The following A1CF variants were observed in gnomAD, a reference collection of about 807,000 sequenced individuals.
A1CF encodes APOBEC-1 stimulating protein.
In A1CF, 48 loss-of-function variants were observed where a neutral mutation model predicts 68.9. The observed-to-expected ratio is 0.70, with a 90% CI of 0.55 to 0.89. The LOEUF is 0.89. A1CF is among the 40% of genes least tolerant of loss of function. The pLI, the probability that A1CF is intolerant of heterozygous loss-of-function variation, is 0.00. For missense variants in A1CF, 653 were observed against 718.9 expected (o/e 0.91, Z 1.05); for synonymous variants, 272 against 260.4 (o/e 1.04, Z -0.43).
At chr10:50,851,096 T>C (rs1296917820) in intron 3 of A1CF, among the ~76,000 whole-genome samples, 1 of 152,218 alleles carries the variant, frequency 6.6e-6, no homozygotes, top group Non-Finnish European at 1.5e-5. Flanking sequence ...TGCACCGGGT[T>C]TGAGGCATGT....
At chr10:50,858,825 G>C (rs1310564815) in intron 3 of A1CF, among the ~76,000 whole-genome samples, 3 of 152,086 alleles carry the variant, frequency 2.0e-5, no homozygotes, top group South Asian at 4.2e-4. Context: ...ATGGACTTAA[G>C]TGAAACTTCA....
At chr10:50,860,409 CTG>C (rs1001305532) in intron 2 of A1CF, among the ~76,000 whole-genome samples, 5 of 152,186 alleles carry the variant, frequency 3.3e-5, no homozygotes, top group African/African-American at 9.7e-5. Flanking sequence ...GAGTTTTAGT[CTG>C]TGTGTCAGCT....
intron 9 of A1CF, among the ~76,000 whole-genome samples, chr10:50,815,110 A>C (rs1340241087): frequency 6.6e-6 from 1 of 152,186 alleles, no homozygotes; most frequent in East Asian, 1.9e-4. Flanking sequence ...AAACCCAAGA[A>C]TAGACTTAAA....
chr10:50,841,538 A>G (rs777698954), intron 5 of A1CF, among the ~76,000 whole-genome samples: 3 of 152,174 alleles, frequency 2.0e-5, no homozygotes, highest in Non-Finnish European at 2.9e-5. Context: ...ATTTTGAGTG[A>G]TCTTATATAT....
At position 50,809,989 on chromosome 10, in the gene A1CF, T is replaced by C; in HGVS notation, c.1514A>G (p.Tyr505Cys). 1 of 1,614,052 alleles carries C rather than the reference T, an allele frequency of 6.2e-7. No homozygotes were observed. Among genetic ancestry groups the C allele is most frequent in the Non-Finnish European group, 8.5e-7 (1 of 1,179,938 alleles). The change falls in exon 12 of 13, where the codon TAT (tyrosine) becomes TGT (cysteine). Residue 505 changes from tyrosine to cysteine, a missense_variant. Physicochemically the swap from Tyr to Cys is radical, Grantham distance 194. Coordinates refer to ENST00000373997, the MANE Select transcript of A1CF (RefSeq NM_014576.4). ...LSAFVDEAKTYAAEYTLQTLG... is the reference protein window; with the variant it reads ...LSAFVDEAKTCAAEYTLQTLG... ...GGTCTGCAGGGTGTATTCGGCTGCA[T>C]ACGTCTTTGCTTCATCCACAAAGGC...
At chr10:50,808,087 C>T (rs1837919681) in intron 12 of A1CF, among the ~76,000 whole-genome samples, 1 of 152,180 alleles carries the variant, frequency 6.6e-6, no homozygotes, top group Admixed American at 6.6e-5. Context: ...AGTAATGTAA[C>T]TGTGTGAGTG....
chr10:50,841,049 C>A (rs1240927473), intron 5 of A1CF, among the ~76,000 whole-genome samples: 1 of 152,176 alleles, frequency 6.6e-6, no homozygotes, highest in Non-Finnish European at 1.5e-5. Flanking sequence ...ACTGCAGCAG[C>A]CTTCTAACTG....
At chr10:50,836,733 C>T (rs1188727843) in intron 5 of A1CF, among the ~76,000 whole-genome samples, 4 of 134,584 alleles carry the variant, frequency 3.0e-5, no homozygotes, top group Non-Finnish European at 6.1e-5. Context: ...TGTTCCCCTT[C>T]CTGTGTCCAA....
chr10:50,844,260 A>C (rs1839902138), intron 3 of A1CF, 138 bp from the exon 4 acceptor site: 2 of 1,273,554 alleles, frequency 1.6e-6, no homozygotes, highest in Non-Finnish European at 1.1e-6. Context: ...GACTGGTTAA[A>C]GGAGAAAAAT....
intron 1 of A1CF, among the ~76,000 whole-genome samples, chr10:50,877,851 C>T (rs774696683): frequency 4.6e-5 from 7 of 152,114 alleles, no homozygotes; most frequent in Admixed American, 1.3e-4. Flanking sequence ...GGCCGGGCGC[C>T]GTGGCTCACG....
chr10:50,816,189 C>G lies in A1CF; in HGVS notation c.958G>C (p.Gly320Arg), dbSNP rs747336641. The G allele has an allele frequency of 1.9e-6, 3 of 1,613,730 alleles. No homozygotes were observed. Among genetic ancestry groups the G allele is most frequent in the Non-Finnish European group, 2.5e-6 (3 of 1,179,816 alleles). The change falls in exon 9 of 13, where the codon GGC becomes CGC. Residue 320 changes from glycine to arginine, a missense_variant. By Grantham distance (125) the Gly-to-Arg change is moderately radical (BLOSUM62 -2). Transcript: ENST00000373997. The stretch of plus-strand genomic sequence containing the variant: ...GTATACTCTCCTTGCAGCATGGTGC[C>G]CCTTCCACCTGTGCCTCGGGTATAC... ...VRYTRGTGGR[G>R]TMLQGEYTYS...
At chr10:50,817,886 A>T (rs547894902) in intron 8 of A1CF, among the ~76,000 whole-genome samples, 4 of 152,352 alleles carry the variant, frequency 2.6e-5, no homozygotes, top group Middle Eastern at 3.4e-3. Flanking sequence ...TAATCTGTAT[A>T]GCCCAAGCTT....
At chr10:50,815,339 G>A (rs1206021196) in intron 9 of A1CF, among the ~76,000 whole-genome samples, 1 of 152,154 alleles carries the variant, frequency 6.6e-6, no homozygotes, top group Non-Finnish European at 1.5e-5. Context: ...ATTCTTACAG[G>A]ATTCAAATGT....
chr10:50,824,243 G>A (rs1392797829), intron 7 of A1CF: 1 of 152,096 alleles, frequency 6.6e-6, no homozygotes, highest in South Asian at 2.1e-4. Context: ...ATGATAATTA[G>A]TAGGATCCGG....
intron 3 of A1CF, among the ~76,000 whole-genome samples, chr10:50,853,803 T>TTA (rs1564523021): frequency 1.4e-5 from 2 of 147,850 alleles, no homozygotes; most frequent in Admixed American, 6.7e-5. Context: ...GGCTTTTTTT[T>TTA]AAAAAAAATG....
intron 1 of A1CF, among the ~76,000 whole-genome samples, chr10:50,870,934 A>G (rs774933312): frequency 1.3e-5 from 2 of 151,766 alleles, no homozygotes; most frequent in South Asian, 4.1e-4. Context: ...TTTATTAAAC[A>G]TTAGGGATTA....
At chr10:50,818,479 A>C (rs915034364) in intron 8 of A1CF, among the ~76,000 whole-genome samples, 1 of 152,022 alleles carries the variant, frequency 6.6e-6, no homozygotes, top group Non-Finnish European at 1.5e-5. Context: ...AGCTGCAAAA[A>C]TTGGGAATTT....
At chr10:50,874,798 G>A (rs936005714) in intron 1 of A1CF, among the ~76,000 whole-genome samples, 4 of 152,154 alleles carry the variant, frequency 2.6e-5, no homozygotes, top group Admixed American at 6.6e-5. Context: ...CTTAAGAACC[G>A]CCGTAGCAGA....
chr10:50,846,821 T>A (rs570307675), intron 3 of A1CF, among the ~76,000 whole-genome samples: 5 of 152,228 alleles, frequency 3.3e-5, no homozygotes, highest in African/African-American at 1.2e-4. Context: ...TGAAAAAAAA[T>A]CCAAAGAATA....
Sources: allele counts gnomAD v4.1 joint callset (sites outside exome capture counted in the v4.1 genomes callset), GRCh38; gene constraint gnomAD v4.1.1; transcripts MANE v1.5; gene names NCBI Gene and HGNC (gene_info 2026-07-23, HGNC 2026-07-21).